The following APP variants were observed in gnomAD, a reference collection of about 807,000 sequenced individuals.
APP encodes amyloid-beta precursor protein.
Under a neutral mutation model 101.4 loss-of-function variants are expected in APP, and 31 were observed. The ratio of observed to expected loss-of-function variants is 0.31; its 90% confidence interval spans 0.23 to 0.41. The LOEUF (loss-of-function observed/expected upper bound fraction) is 0.41, where lower values mean the gene tolerates loss of function less well. Ranked by LOEUF, APP falls within the 10% of genes least tolerant of loss-of-function variation. APP has a pLI of 1.00. For missense variants in APP, 839 were observed against 1,003.7 expected, an observed-to-expected ratio of 0.84 and a Z score of 2.22; for synonymous variants, 366 against 364.4, an observed-to-expected ratio of 1.00 and a Z score of -0.05.
intron 3 of APP, among the ~76,000 whole-genome samples, chr21:26,055,724 T>C (rs1363104623): frequency 6.6e-6 from 1 of 152,222 alleles, no homozygotes; most frequent in African/African-American, 2.4e-5. Context: ...GCTTTTCTAT[T>C]TGACAAGTAA....
At chr21:26,094,663 T>C (rs1412035237) in intron 2 of APP, among the ~76,000 whole-genome samples, 1 of 150,382 alleles carries the variant, frequency 6.6e-6, no homozygotes. Context: ...GTTCAACATT[T>C]TAGACAAGAA....
chr21:25,902,230 C>G (rs1385107170), intron 15 of APP, among the ~76,000 whole-genome samples: 1 of 152,156 alleles, frequency 6.6e-6, no homozygotes, highest in Non-Finnish European at 1.5e-5. Context: ...TATTCAAAAA[C>G]AATGCCATCA....
rs911605233 is a variant in APP at position 26,138,822 on chromosome 21, C to T, written c.58-26676G>A. ...ACTCAATATTTATCCATTGCAAACACAACACAGAAACCTAAGGAACTCAAA... is the reference window on the plus strand; with the variant it reads ...ACTCAATATTTATCCATTGCAAACATAACACAGAAACCTAAGGAACTCAAA... On this transcript the variant is annotated intron_variant, in intron 1 of 17. Coordinates refer to ENST00000346798, the MANE Select transcript of APP (RefSeq NM_000484.4). 3.9e-5 allele frequency among the ~76,000 whole-genome samples: 6 copies of T among 152,098 alleles called. No individual in the cohort carries two copies. The South Asian group carries it at 1.2e-3, about 31-fold the overall frequency.
chr21:26,149,912 C>T (rs1024441956), intron 1 of APP, among the ~76,000 whole-genome samples: 10 of 152,124 alleles, frequency 6.6e-5, no homozygotes, highest in African/African-American at 2.4e-4. Context: ...CAGCATGCTC[C>T]CACCTCACAG....
intron 5 of APP, among the ~76,000 whole-genome samples, chr21:26,023,246 C>A (rs2044423498): frequency 6.6e-6 from 1 of 152,000 alleles, no homozygotes; most frequent in Non-Finnish European, 1.5e-5. Flanking sequence ...AGATCACCTA[C>A]CTGCTAAATG....
intron 13 of APP, among the ~76,000 whole-genome samples, chr21:25,932,916 A>T (rs1002904940): frequency 3.9e-5 from 6 of 152,206 alleles, no homozygotes; most frequent in Admixed American, 3.9e-4. Context: ...GTACCTCAAA[A>T]GTCAGAGCCT....
intron 6 of APP, among the ~76,000 whole-genome samples, chr21:26,019,874 C>T (rs1488685872): frequency 6.6e-6 from 1 of 152,172 alleles, no homozygotes; most frequent in Non-Finnish European, 1.5e-5. Context: ...TTGGTCCTAA[C>T]AGTTGTATGA....
intron 1 of APP, among the ~76,000 whole-genome samples, chr21:26,163,677 T>C (rs1483920275): frequency 6.6e-6 from 1 of 152,222 alleles, no homozygotes; most frequent in Non-Finnish European, 1.5e-5. Flanking sequence ...GACAGGACAA[T>C]TATAATTACA....
intron 11 of APP, among the ~76,000 whole-genome samples, chr21:25,964,632 G>A (rs1023940967): frequency 1.4e-4 from 20 of 144,154 alleles, no homozygotes; most frequent in South Asian, 4.4e-4. Flanking sequence ...TTTCTGAGAC[G>A]GAGTTTCACT....
chr21:26,100,023 T>C (rs538336833), intron 2 of APP, among the ~76,000 whole-genome samples: 3 of 152,316 alleles, frequency 2.0e-5, no homozygotes, highest in East Asian at 3.9e-4. Flanking sequence ...AGATAAGCTA[T>C]TCTAATTTCA....
intron 8 of APP, among the ~76,000 whole-genome samples, chr21:25,983,553 A>C (rs767780267): frequency 9.2e-5 from 14 of 152,262 alleles, no homozygotes; most frequent in Non-Finnish European, 2.1e-4. Context: ...ATCCTTCAAG[A>C]AAATGTCTGG....
chr21:25,965,110 C>G (rs2146529641), intron 11 of APP, among the ~76,000 whole-genome samples: 1 of 152,254 alleles, frequency 6.6e-6, no homozygotes, highest in African/African-American at 2.4e-5. Context: ...ATCTTCTGAC[C>G]TGGGAATACA....
chr21:25,904,755 GA>G (rs578096417), intron 15 of APP, among the ~76,000 whole-genome samples: 3,595 of 138,266 alleles, frequency 0.026, 112 homozygotes, highest in African/African-American at 0.076. Flanking sequence ...AAAGAAAAAA[GA>G]AAAAAAAAAA....
chr21:25,982,035 T>TTACAG (rs1170228094), intron 9 of APP, among the ~76,000 whole-genome samples: 4 of 152,218 alleles, frequency 2.6e-5, no homozygotes, highest in African/African-American at 9.6e-5. Context: ...ATTTACAACA[T>TTACAG]GTTGATTACA....
chr21:25,968,351 G>A (rs988332903), intron 11 of APP, among the ~76,000 whole-genome samples: 27 of 135,106 alleles, frequency 2.0e-4, no homozygotes, highest in African/African-American at 7.6e-4. Context: ...TGTAGAGATA[G>A]GGCCTTTCTA....
chr21:25,925,554 A>G (rs1209911552), intron 13 of APP, among the ~76,000 whole-genome samples: 2 of 152,096 alleles, frequency 1.3e-5, no homozygotes, highest in African/African-American at 4.8e-5. Context: ...ATCTGAGAAG[A>G]CCTACCCTCC....
chr21:26,165,509 T>C (rs921671831), intron 1 of APP, among the ~76,000 whole-genome samples: 2 of 152,216 alleles, frequency 1.3e-5, no homozygotes, highest in Non-Finnish European at 2.9e-5. Flanking sequence ...TCCTGATTAG[T>C]GTGCAATGCT....
At chr21:26,009,947 C>T (rs1414810069) in intron 6 of APP, 1 of 160,930 alleles carries the variant, frequency 6.2e-6, no homozygotes, top group Non-Finnish European at 1.4e-5. Context: ...ATTTCTGTTC[C>T]GGTTTAAAAA....
chr21:26,117,755 C>G (rs1022259148), intron 1 of APP, among the ~76,000 whole-genome samples: 1 of 152,154 alleles, frequency 6.6e-6, no homozygotes, highest in Non-Finnish European at 1.5e-5. Context: ...ATGACTGAAA[C>G]TGCAAGTGGT....
Sources: gnomAD v4.1 joint callset for allele counts (sites outside exome capture counted in the v4.1 genomes callset) on GRCh38, gnomAD v4.1.1 for gene constraint, MANE v1.5 for transcripts, NCBI Gene and HGNC (gene_info 2026-07-23, HGNC 2026-07-21) for gene names.